COL5A3: variants seen among roughly 807,000 people sequenced by gnomAD.
The protein encoded by COL5A3 is collagen type V alpha 3 chain.
A neutral mutation model predicts 250.0 loss-of-function variants in COL5A3; 172 were observed. The ratio of observed to expected loss-of-function variants is 0.69; its 90% confidence interval spans 0.61 to 0.78. The LOEUF is 0.78. COL5A3 is among the 30% of genes least tolerant of loss of function. The pLI is 0.00. For synonymous variants in COL5A3, 937 were observed against 900.4 expected (o/e 1.04, Z -0.73); for missense variants, 2,340 against 2,334.4 (o/e 1.00, Z -0.05).
chr19:9,977,947 C>CATATATATATATATAT lies in COL5A3; in HGVS notation c.3019-262_3019-247dup, dbSNP rs372091609. ...GCCATAGTCCTCCTGGCAGCCTATA[C>CATATATATATATATAT]ATATATATATATATATATATATATA... On this transcript the variant is annotated intron_variant, in intron 41 of 66. Transcript: ENST00000264828. 2.3e-3 allele frequency among the ~76,000 whole-genome samples: 248 copies of CATATATATATATATAT among 106,056 alleles called. 3 individuals are homozygous for CATATATATATATATAT. Among genetic ancestry groups the CATATATATATATATAT allele is most frequent in the Middle Eastern group, 6.0e-3 (1 of 168 alleles). 69.6% of individuals were successfully genotyped at this position (106,056 alleles called of 152,430 possible). A position where few individuals can be genotyped will look rare whatever the true frequency, so the allele number is the denominator to read the frequency against.
chr19:9,979,757 GC>G (rs1439827156), intron 37 of COL5A3, 81 bp downstream of exon 37: 9 of 1,329,254 alleles, frequency 6.8e-6, no homozygotes, highest in Non-Finnish European at 8.4e-6. Context: ...CTGCACTCTA[GC>G]CCAGGTGACA....
intron 41 of COL5A3, 97 bp downstream of exon 41, chr19:9,978,477 G>T: frequency 1.2e-6 from 1 of 808,368 alleles, no homozygotes. Flanking sequence ...GCCTGCCTCA[G>T]CCTCCATCAT....
intron 51 of COL5A3, among the ~76,000 whole-genome samples, chr19:9,972,490 G>T (rs754421378): frequency 2.8e-4 from 43 of 152,114 alleles, no homozygotes; most frequent in Non-Finnish European, 5.3e-4. Flanking sequence ...TCCGTGTTCT[G>T]GGGGTTACTC....
intron 56 of COL5A3, 62 bp from the exon 57 acceptor site, chr19:9,969,464 C>A (rs2277966): frequency 7.5e-5 from 120 of 1,590,034 alleles, no homozygotes; most frequent in African/African-American, 3.0e-4. Flanking sequence ...TGGACCCCCC[C>A]CCGACCATGC....
chr19:10,001,410 G>T, intron 8 of COL5A3, 114 bp downstream of exon 8: 2 of 1,070,536 alleles, frequency 1.9e-6, no homozygotes, highest in Non-Finnish European at 2.6e-6. Context: ...GTCTCCCAAA[G>T]TGTTCGGATT....
Position 9,960,303 on chromosome 19 carries a change from A to T in COL5A3, c.*108T>A, listed in dbSNP as rs2086653969. 4 of 1,345,714 alleles carry T rather than the reference A, an allele frequency of 3.0e-6. No individual in the cohort carries two copies. Among genetic ancestry groups the T allele is most frequent in the Non-Finnish European group, 3.1e-6 (3 of 965,020 alleles). The allele number at this position is 1,345,714 out of a possible 1,614,324, so 83.4% of individuals were successfully genotyped here. A position where few individuals can be genotyped will look rare whatever the true frequency, so the allele number is the denominator to read the frequency against. The stretch of plus-strand genomic sequence containing the variant: ...TCCGTGATGAGCGAAGTCACATCCC[A>T]TTGGCTCCATAGTCACAGGTAACGA... On this transcript the variant is annotated 3_prime_UTR_variant, in exon 67 of 67. Coordinates refer to ENST00000264828, the MANE Select transcript of COL5A3 (RefSeq NM_015719.4).
In COL5A3 at chr19:9,979,848, T is replaced by A; in HGVS notation, c.2703A>T (p.Arg901Ser). The change falls in exon 37 of 67, where the codon AGA becomes AGT. Residue 901 changes from arginine to serine, a missense_variant. Physicochemically the swap from Arg to Ser is moderately radical, Grantham distance 110. This residue lies in a region of COL5A3 where 1,179 missense variants were observed against 1,162.6 expected (regional missense o/e 1.01). Transcript: ENST00000264828. ...KDGRPGHPGQ[R>S]GELGFQGQTG... ...TTGAGGGGTTACTCACCAGTTCTCCTCTCTGTCCAGGGTGCCCTGGTCGCC... is the reference window on the plus strand; with the variant it reads ...TTGAGGGGTTACTCACCAGTTCTCCACTCTGTCCAGGGTGCCCTGGTCGCC... 1 of 1,581,558 alleles carries A rather than the reference T, an allele frequency of 6.3e-7. No homozygotes were observed. Among genetic ancestry groups the A allele is most frequent in the Non-Finnish European group, 8.5e-7 (1 of 1,170,716 alleles).
intron 54 of COL5A3, among the ~76,000 whole-genome samples, chr19:9,970,137 A>G (rs369358990): frequency 2.7e-3 from 15 of 5,456 alleles, no homozygotes; most frequent in South Asian, 7.5e-3. Flanking sequence ...GGGTGAGTGG[A>G]GGCTGTGGGT....
Position 9,978,986 on chromosome 19 carries a change from G to T in COL5A3, c.2875-6C>A. On this transcript the variant is annotated splice_region_variant and splice_polypyrimidine_tract_variant and intron_variant, in intron 39 of 66. Coordinates refer to ENST00000264828, the MANE Select transcript of COL5A3 (RefSeq NM_015719.4). ...CCTGGTGGTCCCAGTTCCCCCTACA[G>T]GAGTGCAAAGGAGGGAAGTCAAGCT... The T allele has an allele frequency of 6.5e-7, 1 of 1,545,364 alleles. No individual in the cohort carries two copies. Among genetic ancestry groups the T allele is most frequent in the Non-Finnish European group, 8.7e-7 (1 of 1,149,956 alleles).
intron 19 of COL5A3, 87 bp downstream of exon 19, chr19:9,993,293 T>A: frequency 5.4e-6 from 8 of 1,470,282 alleles, no homozygotes; most frequent in Non-Finnish European, 7.6e-6. Flanking sequence ...AGCTGGCCAC[T>A]GAGACCTCCA....
intron 37 of COL5A3, 95 bp from the exon 38 acceptor site, chr19:9,979,512 C>A (rs764784206): frequency 7.3e-7 from 1 of 1,369,858 alleles, no homozygotes; most frequent in South Asian, 1.2e-5. Flanking sequence ...GGAATCTGGC[C>A]GGTCCGGTGG....
At chr19:9,980,394 T>C (rs1461697683) in intron 35 of COL5A3, among the ~76,000 whole-genome samples, 1 of 152,126 alleles carries the variant, frequency 6.6e-6, no homozygotes, top group African/African-American at 2.4e-5. Flanking sequence ...GATGGAGTCT[T>C]GCTCTGTCAC....
rs57037583 is a variant in COL5A3 at position 9,964,854 on chromosome 19, T to TAA, written c.4782+1458_4782+1459dup. Among the ~76,000 whole-genome samples, 24 of 49,010 alleles carry TAA rather than the reference T, an allele frequency of 4.9e-4. 1 individual carries two copies. Among genetic ancestry groups the TAA allele is most frequent in the Non-Finnish European group, 6.8e-4 (20 of 29,260 alleles). 32.2% of individuals were successfully genotyped at this position (49,010 alleles called of 152,430 possible). On this transcript the variant is annotated intron_variant, in intron 64 of 66. Transcript: ENST00000264828. ...CAACGTAGTGAAACCCCATCTCTACTAAAAAAAAAAAAAAAAAAAAAAAAA... is the reference window on the plus strand; with the variant it reads ...CAACGTAGTGAAACCCCATCTCTACTAAAAAAAAAAAAAAAAAAAAAAAAAAA...
chr19:9,978,917 C>T lies in COL5A3; in HGVS notation c.2938G>A (p.Gly980Ser), dbSNP rs759353874. The T allele has an allele frequency of 5.6e-5, 84 of 1,494,076 alleles. 1 individual carries two copies. The highest frequency in any genetic ancestry group is 3.0e-4 in the South Asian group (21 of 70,576). 92.6% of individuals were successfully genotyped at this position (1,494,076 alleles called of 1,614,324 possible). ...GGGTCCCCAGGGCCCCCTTTGGGGC[C>T]GGGAAAGCCCCTGAGTCCAGCTGGC... ...EGPAGLRGFP[G>S]PKGGPGDPGP... Residue 980 changes from glycine (G) to serine (S), a missense_variant, in exon 40 of 67, where the codon GGC becomes AGC. Gly to Ser is a moderately conservative substitution (Grantham distance 56). Around this residue, in one of 3 missense-constraint regions of COL5A3, gnomAD observed 1,179 missense variants for 1,162.6 expected, o/e 1.01. Transcript: ENST00000264828.
At chr19:9,974,122 C>T (rs373791616) in intron 47 of COL5A3, 49 bp downstream of exon 47, 18 of 1,595,440 alleles carry the variant, frequency 1.1e-5, no homozygotes, top group Admixed American at 1.7e-5. Context: ...TGCCGCCAAC[C>T]TATAACCCCA....
At chr19:9,971,309 T>G (rs1009568907) in intron 51 of COL5A3, 51 bp from the exon 52 acceptor site, 81 of 1,379,962 alleles carry the variant, frequency 5.9e-5, no homozygotes, top group Non-Finnish European at 7.7e-5. Context: ...GGAGCAATCA[T>G]GCATTTATGG....
intron 53 of COL5A3, 142 bp downstream of exon 53, chr19:9,970,832 TG>T: frequency 9.5e-7 from 1 of 1,052,880 alleles, no homozygotes; most frequent in African/African-American, 1.7e-5. Context: ...CTCACATTCC[TG>T]GGGGTCCCCA....
At position 10,009,446 on chromosome 19, in the gene COL5A3, G is replaced by C. The variant is rs1390455454; in HGVS notation, c.88+852C>G. Among the ~76,000 whole-genome samples the C allele has an allele frequency of 6.8e-6, 1 of 147,532 alleles. No homozygotes were observed. The highest frequency in any genetic ancestry group is 1.5e-5 in the Non-Finnish European group (1 of 66,522). On this transcript the variant is annotated intron_variant, in intron 1 of 66. Transcript: ENST00000264828. This position sits in a 1 kb window ranked among gnomAD's most constrained non-coding sequence, Gnocchi z 4.4. The stretch of plus-strand genomic sequence containing the variant: ...CCCGGGACCCCTTGGGGGCTCCTGA[G>C]AAATTCCTCGGGAAAAACACCCAAG...
chr19:9,968,915 A>G lies in COL5A3; in HGVS notation c.4153-187T>C. 1.5e-6 allele frequency: 1 copy of G among 650,080 alleles called. No homozygotes were observed. The highest frequency in any genetic ancestry group is 2.7e-6 in the Non-Finnish European group (1 of 368,898). The allele number at this position is 650,080 out of a possible 1,614,324, so 40.3% of individuals were successfully genotyped here. Reference sequence around the variant, plus strand: ...TGAGAGCTAATGAGGGGTTGACTGGAGGATGGACAACGTGAGTGGTCAGTG... The same window carrying G: ...TGAGAGCTAATGAGGGGTTGACTGGGGGATGGACAACGTGAGTGGTCAGTG... On this transcript the variant is annotated intron_variant, in intron 57 of 66. Coordinates refer to ENST00000264828, the MANE Select transcript of COL5A3 (RefSeq NM_015719.4). This position sits in a 1 kb window ranked among gnomAD's most constrained non-coding sequence, Gnocchi z 4.1.
Sources: gnomAD v4.1 joint callset for allele counts (sites outside exome capture counted in the v4.1 genomes callset) on GRCh38, gnomAD v4.1.1 for gene constraint, gnomAD v4.1.1 regional missense constraint, Gnocchi (gnomAD v3.1) non-coding constraint, MANE v1.5 for transcripts, NCBI Gene and HGNC (gene_info 2026-07-23, HGNC 2026-07-21) for gene names.